RPS12: variants seen among roughly 807,000 people sequenced by gnomAD.
The protein encoded by RPS12 is small ribosomal subunit protein eS12.
A neutral mutation model predicts 17.2 loss-of-function variants in RPS12; 1 was observed. That is an observed-to-expected ratio of 0.06 (90% CI 0.02 to 0.28). RPS12 has a LOEUF of 0.28. Ranked by LOEUF, RPS12 falls within the 10% of genes least tolerant of loss-of-function variation. RPS12 has a pLI of 1.00. For synonymous variants in RPS12, 67 were observed against 54.0 expected (o/e 1.24, Z -1.06); for missense variants, 146 against 162.1 (o/e 0.90, Z 0.54).
Position 132,817,513 on chromosome 6 carries a change from A to G in RPS12, c.370A>G (p.Ile124Val), listed in dbSNP as rs1782091808. Residue 124 changes from isoleucine (I) to valine (V), a missense_variant, in exon 6 of 6, where the codon ATT becomes GTT. Physicochemically the swap from Ile to Val is conservative, Grantham distance 29 (BLOSUM62 3). This residue lies in a region of RPS12 where 29 missense variants were observed against 57.5 expected (regional missense o/e 0.50). Coordinates refer to ENST00000230050, the MANE Select transcript of RPS12 (RefSeq NM_001016.4). ...CAAGGAGTCTCAGGCCAAGGATGTC[A>G]TTGAAGAGTATTTCAAATGCAAGAA... The part of the protein sequence containing the change: ...YGKESQAKDV[I>V]EEYFKCKK 2.5e-6 allele frequency: 4 copies of G among 1,611,706 alleles called. No individual in the cohort carries two copies. In the East Asian group the frequency reaches 6.7e-5, roughly 27 times the overall value.
In RPS12 at chr6:132,814,712, T is replaced by G; in HGVS notation, c.-37-20T>G. On this transcript the variant is annotated intron_variant, in intron 1 of 5. Transcript: ENST00000230050. Reference sequence around the variant, plus strand: ...GACGAGTATCTGGTTCTTTAACAAGTCAATGCTTTTGTTTTTTAGTGCGTT... The same window carrying G: ...GACGAGTATCTGGTTCTTTAACAAGGCAATGCTTTTGTTTTTTAGTGCGTT... 6.3e-7 allele frequency: 1 copy of G among 1,597,482 alleles called. No homozygotes were observed. Among genetic ancestry groups the G allele is most frequent in the Non-Finnish European group, 8.6e-7 (1 of 1,165,678 alleles).
Position 132,814,594 on chromosome 6 carries a change from C to CGCGGAG in RPS12, c.-48_-43dup, listed in dbSNP as rs371487412. 42 of 811,992 alleles carry CGCGGAG rather than the reference C, an allele frequency of 5.2e-5. 1 individual carries two copies. The highest frequency in any genetic ancestry group is 2.3e-4 in the Middle Eastern group (1 of 4,330). The allele number at this position is 811,992 out of a possible 1,614,324, so 50.3% of individuals were successfully genotyped here. ...CTCTTTCCCTGCCGCCGCCGAGTCGCGCGGAGGCGGAGGCTTGGGGTAAGT... is the reference window on the plus strand; with the variant it reads ...CTCTTTCCCTGCCGCCGCCGAGTCGCGCGGAGGCGGAGGCGGAGGCTTGGGGTAAGT... On this transcript the variant is annotated 5_prime_UTR_variant, in exon 1 of 6. Coordinates refer to ENST00000230050, the MANE Select transcript of RPS12 (RefSeq NM_001016.4).
At chr6:132,816,793 G>C in intron 4 of RPS12, 167 bp from the exon 5 acceptor site, 1 of 770,694 alleles carries the variant, frequency 1.3e-6, no homozygotes, top group Non-Finnish European at 2.4e-6. Context: ...GCTTGTAGGT[G>C]ATCTTAGTGC....
At chr6:132,816,755 G>C in intron 4 of RPS12, 192 bp downstream of exon 4, 1 of 767,546 alleles carries the variant, frequency 1.3e-6, no homozygotes, top group East Asian at 2.4e-5. Context: ...TAATTTTGAC[G>C]TTGGTATACA....
intron 2 of RPS12, 79 bp from the exon 3 acceptor site, chr6:132,814,893 T>G (rs1327965142): frequency 2.1e-6 from 3 of 1,402,634 alleles, no homozygotes; most frequent in South Asian, 1.2e-5. Context: ...GCGTCTGTTG[T>G]ACACTTAGCT....
At position 132,815,692 on chromosome 6, in the gene RPS12, T is replaced by A. The variant is rs765812311; in HGVS notation, c.131+604T>A. 330 of 456,704 alleles carry A rather than the reference T, an allele frequency of 7.2e-4. 1 individual carries two copies. Among genetic ancestry groups the A allele is most frequent in the Non-Finnish European group, 1.3e-3 (304 of 226,974 alleles). 28.3% of individuals were successfully genotyped at this position (456,704 alleles called of 1,614,324 possible). A position where few individuals can be genotyped will look rare whatever the true frequency, so the allele number is the denominator to read the frequency against. On this transcript the variant is annotated intron_variant, in intron 3 of 5. Transcript: ENST00000230050. Reference sequence around the variant, plus strand: ...GTTTTACAGGACAAGTTCGTTTTGGTGTAATCTAGCCAGTTCAATCCGATG... The same window carrying A: ...GTTTTACAGGACAAGTTCGTTTTGGAGTAATCTAGCCAGTTCAATCCGATG...
intron 3 of RPS12, chr6:132,815,424 A>C (rs759491469): frequency 9.5e-6 from 5 of 524,712 alleles, no homozygotes; most frequent in Non-Finnish European, 1.9e-5. Context: ...TCTGGCAGAT[A>C]GATGAGATGG....
rs773711340 is a variant in RPS12 at position 132,816,620 on chromosome 6, G to A, written c.234+57G>A. On this transcript the variant is annotated intron_variant, in intron 4 of 5. Transcript: ENST00000230050. ...TGTTCAGTGATGCTTGTATATGGGG[G>A]TAAATTCTGTGAAGTCTCAAGCTGT... is the stretch of plus-strand genomic sequence containing the variant. 4.4e-4 allele frequency: 506 copies of A among 1,160,936 alleles called. 4 individuals are homozygous for A. Among genetic ancestry groups the A allele is most frequent in the Non-Finnish European group, 1.3e-4 (105 of 779,780 alleles). 71.9% of individuals were successfully genotyped at this position (1,160,936 alleles called of 1,614,324 possible). A position where few individuals can be genotyped will look rare whatever the true frequency, so the allele number is the denominator to read the frequency against.
At chr6:132,814,920 C>T (rs1782009023) in intron 2 of RPS12, 52 bp from the exon 3 acceptor site, 10 of 1,415,532 alleles carry the variant, frequency 7.1e-6, no homozygotes, top group Admixed American at 1.7e-5. Context: ...GAGTGCAAGG[C>T]CTTATGTGGT....
At chr6:132,815,777 A>G (rs995957210) in intron 3 of RPS12, 6 of 453,912 alleles carry the variant, frequency 1.3e-5, no homozygotes, top group African/African-American at 6.1e-5. Flanking sequence ...CTGTATTTCT[A>G]TTTCGGCATT....
chr6:132,817,230 T>C, intron 5 of RPS12, 169 bp downstream of exon 5: 1 of 768,324 alleles, frequency 1.3e-6, no homozygotes, highest in South Asian at 1.4e-5. Flanking sequence ...AGCCAGCCAA[T>C]GAATCTGCTT....
At chr6:132,815,576 G>A (rs1265407638) in intron 3 of RPS12, 2 of 451,256 alleles carry the variant, frequency 4.4e-6, no homozygotes, top group East Asian at 1.4e-4. Context: ...ATTTGTTAAT[G>A]TATTTGAATG....
chr6:132,814,661 C>T lies in RPS12; in HGVS notation c.-38+48C>T, dbSNP rs904323173. 5.4e-6 allele frequency: 7 copies of T among 1,288,322 alleles called. No individual in the cohort carries two copies. The Admixed American group carries it at 6.7e-5, about 12-fold the overall frequency. The allele number at this position is 1,288,322 out of a possible 1,614,324, so 79.8% of individuals were successfully genotyped here. On this transcript the variant is annotated intron_variant, in intron 1 of 5. Coordinates refer to ENST00000230050, the MANE Select transcript of RPS12 (RefSeq NM_001016.4). Reference sequence around the variant, plus strand: ...GGGGTGTATTGGTTATAATTTGTGGCTCGTTGCGTTCTTGCTGGGATTCGT... The same window carrying T: ...GGGGTGTATTGGTTATAATTTGTGGTTCGTTGCGTTCTTGCTGGGATTCGT...
intron 3 of RPS12, chr6:132,815,411 T>C (rs770034372): frequency 3.7e-6 from 2 of 542,082 alleles, no homozygotes; most frequent in Non-Finnish European, 3.6e-6. Context: ...AGTCTTATAC[T>C]TATCTGGCAG....
In RPS12 at chr6:132,814,795, G is replaced by A. The variant is rs767825058; in HGVS notation, c.14+13G>A. On this transcript the variant is annotated intron_variant, in intron 2 of 5. Coordinates refer to ENST00000230050, the MANE Select transcript of RPS12 (RefSeq NM_001016.4). ...TGGCCGAGGAAGGGTGAGCCCAGGG[G>A]CCGGGGTTGGAGTTGGGGTCGGGGT... 6.2e-7 allele frequency: 1 copy of A among 1,612,446 alleles called. No individual in the cohort carries two copies. Among genetic ancestry groups the A allele is most frequent in the Non-Finnish European group, 8.5e-7 (1 of 1,178,618 alleles).
chr6:132,814,677 T>C (rs1300466980), intron 1 of RPS12, 55 bp from the exon 2 acceptor site: 2 of 1,426,732 alleles, frequency 1.4e-6, no homozygotes, highest in East Asian at 2.3e-5. Flanking sequence ...GCGTTCTTGC[T>C]GGGATTCGTG....
intron 4 of RPS12, 114 bp downstream of exon 4, chr6:132,816,677 C>A: frequency 2.5e-6 from 2 of 808,850 alleles, no homozygotes. Context: ...ATTACGTGCA[C>A]CTGATACTGT....
In RPS12 at chr6:132,817,066, G is replaced by A. The variant is rs537834477; in HGVS notation, c.336+5G>A. The A allele has an allele frequency of 6.5e-7, 1 of 1,544,192 alleles. No homozygotes were observed. The highest frequency in any genetic ancestry group is 2.2e-5 in the East Asian group (1 of 44,498). ...TGCAGTTGTGTAGTAGTTAAGGTAAGTCACCGTTTATTCTAGGGATGAAGG... is the reference window on the plus strand; with the variant it reads ...TGCAGTTGTGTAGTAGTTAAGGTAAATCACCGTTTATTCTAGGGATGAAGG... On this transcript the variant is annotated splice_donor_5th_base_variant and intron_variant, in intron 5 of 5. Transcript: ENST00000230050.
chr6:132,814,862 G>C, intron 2 of RPS12, 80 bp downstream of exon 2: 1 of 1,458,414 alleles, frequency 6.9e-7, no homozygotes, highest in African/African-American at 1.4e-5. Flanking sequence ...ACAGGACTGG[G>C]TCAAACGGGT....
Sources: gnomAD v4.1 joint callset for allele counts on GRCh38, gnomAD v4.1.1 for gene constraint, gnomAD v4.1.1 regional missense constraint, MANE v1.5 for transcripts, NCBI Gene and HGNC (gene_info 2026-07-23, HGNC 2026-07-21) for gene names.